ST18: variants seen among roughly 807,000 people sequenced by gnomAD.
ST18 encodes ST18 C2H2C-type zinc finger transcription factor, also known as suppression of tumorigenicity 18 protein.
A neutral mutation model predicts 110.0 loss-of-function variants in ST18; 50 were observed. The observed-to-expected ratio is 0.45, with a 90% CI of 0.36 to 0.58. The LOEUF (loss-of-function observed/expected upper bound fraction) is 0.58, where lower values mean the gene tolerates loss of function less well. Among genes scored for constraint, ST18 ranks in the 20% least tolerant of loss-of-function variants. The pLI is 0.00. For synonymous variants in ST18, 461 were observed against 452.4 expected (o/e 1.02, Z -0.24); for missense variants, 1,306 against 1,280.1 (o/e 1.02, Z -0.31).
intron 2 of ST18, among the ~76,000 whole-genome samples, chr8:52,332,634 C>T (rs1810112223): frequency 6.8e-6 from 1 of 146,680 alleles, no homozygotes; most frequent in Non-Finnish European, 1.5e-5. Flanking sequence ...AGGGGGATCA[C>T]GAGGTCAGGA....
At chr8:52,149,116 G>A (rs1350680608) in intron 16 of ST18, among the ~76,000 whole-genome samples, 1 of 152,212 alleles carries the variant, frequency 6.6e-6, no homozygotes, top group Admixed American at 6.5e-5. Context: ...GCCATAAGGC[G>A]AAGGTTAGAT....
chr8:52,167,289 T>A (rs560474838), intron 10 of ST18, among the ~76,000 whole-genome samples: 27 of 152,296 alleles, frequency 1.8e-4, no homozygotes, highest in Non-Finnish European at 2.8e-4. Flanking sequence ...ATCAACCCTG[T>A]GCTAGGGGAT....
intron 15 of ST18, among the ~76,000 whole-genome samples, chr8:52,154,232 C>T (rs2059487206): frequency 6.6e-6 from 1 of 152,214 alleles, no homozygotes; most frequent in Non-Finnish European, 1.5e-5. Context: ...GTTCTCACCG[C>T]CCAGAGGGCC....
intron 7 of ST18, among the ~76,000 whole-genome samples, chr8:52,213,675 A>T (rs2083039886): frequency 6.6e-6 from 1 of 152,230 alleles, no homozygotes; most frequent in African/African-American, 2.4e-5. Context: ...TCTGTTGGTT[A>T]CAAAAAGAGA....
chr8:52,320,689 A>T (rs1803499037), intron 2 of ST18, among the ~76,000 whole-genome samples: 1 of 152,228 alleles, frequency 6.6e-6, no homozygotes, highest in Admixed American at 6.5e-5. Flanking sequence ...AAAAAGTATC[A>T]CAATACCCAA....
At chr8:52,395,394 C>T (rs1165107030) in intron 2 of ST18, among the ~76,000 whole-genome samples, 1 of 152,166 alleles carries the variant, frequency 6.6e-6, no homozygotes, top group East Asian at 1.9e-4. Flanking sequence ...TGGGACTTGC[C>T]AGCTGAACAG....
chr8:52,178,506 A>G (rs747874997), intron 9 of ST18, among the ~76,000 whole-genome samples: 1 of 150,372 alleles, frequency 6.7e-6, no homozygotes. Context: ...AATCCCAGCT[A>G]CTCAGGAGGC....
Position 52,172,444 on chromosome 8 carries a change from AT to A in ST18, c.416del (p.Asn139MetfsTer7). ...TTTCACTTACAGTCTGAACAGATACATTTTTTTCAAATTTCCCCAAGTGCAT... is the reference window on the plus strand; with the variant it reads ...TTTCACTTACAGTCTGAACAGATACATTTTTTCAAATTTCCCCAAGTGCAT... Reference protein sequence around the residue: ...SLMHLGKFEKNVSVQTVSENL... With the variant: ...SLMHLGKFEKXVSVQTVSENL... On this transcript the variant is annotated frameshift_variant, in exon 10 of 26. Transcript: ENST00000689386. LOFTEE classifies it high-confidence loss of function. The A allele has an allele frequency of 6.2e-7, 1 of 1,613,686 alleles. No homozygotes were observed.
chr8:52,275,174 T>C (rs761290750), intron 2 of ST18, among the ~76,000 whole-genome samples: 18 of 152,048 alleles, frequency 1.2e-4, no homozygotes, highest in Non-Finnish European at 2.5e-4. Flanking sequence ...AGAGCTTCCA[T>C]ATTTTTTTTT....
intron 16 of ST18, 43 bp from the exon 17 acceptor site, chr8:52,143,088 G>T (rs1165219447): frequency 7.8e-7 from 1 of 1,288,182 alleles, no homozygotes; most frequent in Non-Finnish European, 1.1e-6. Context: ...GAAGCCATTA[G>T]GGAACCCTGG....
At chr8:52,210,403 G>C (rs1180502269) in intron 8 of ST18, among the ~76,000 whole-genome samples, 2 of 152,112 alleles carry the variant, frequency 1.3e-5, no homozygotes, top group African/African-American at 4.8e-5. Flanking sequence ...GCTCACTCCT[G>C]TTAATCCCAA....
At chr8:52,372,767 C>T (rs1450512824) in intron 2 of ST18, among the ~76,000 whole-genome samples, 1 of 152,194 alleles carries the variant, frequency 6.6e-6, no homozygotes, top group Non-Finnish European at 1.5e-5. Context: ...TGTGTAAGTA[C>T]ACTCTATGAT....
intron 2 of ST18, among the ~76,000 whole-genome samples, chr8:52,338,779 C>T (rs1163511542): frequency 6.6e-6 from 1 of 151,918 alleles, no homozygotes; most frequent in Non-Finnish European, 1.5e-5. Flanking sequence ...TGCTCTGTCA[C>T]CCAGGCTAGA....
chr8:52,348,346 A>G (rs1420069049), intron 2 of ST18, among the ~76,000 whole-genome samples: 2 of 152,206 alleles, frequency 1.3e-5, no homozygotes, highest in South Asian at 2.1e-4. Flanking sequence ...TGAACAAGAG[A>G]AAGCCCAAGC....
chr8:52,280,227 A>G (rs1332303823), intron 2 of ST18, among the ~76,000 whole-genome samples: 1 of 152,170 alleles, frequency 6.6e-6, no homozygotes, highest in African/African-American at 2.4e-5. Context: ...AGAAACAAAG[A>G]AAAAGCAGAG....
At chr8:52,134,697 T>C (rs538534732) in intron 19 of ST18, among the ~76,000 whole-genome samples, 139 of 152,312 alleles carry the variant, frequency 9.1e-4, no homozygotes, top group African/African-American at 3.0e-3. Context: ...TTATCAACCA[T>C]TTAAAGACAT....
chr8:52,235,947 G>A (rs567869639), intron 2 of ST18, among the ~76,000 whole-genome samples: 2 of 152,140 alleles, frequency 1.3e-5, no homozygotes, highest in East Asian at 3.9e-4. Context: ...ACTAAACTGG[G>A]TAGTTCTGAA....
At chr8:52,163,059 A>G (rs1002554175) in intron 13 of ST18, among the ~76,000 whole-genome samples, 1 of 152,240 alleles carries the variant, frequency 6.6e-6, no homozygotes, top group African/African-American at 2.4e-5. Context: ...TATTCTTTCT[A>G]TATTTGCTAA....
chr8:52,124,541 C>A (rs1326732405), intron 23 of ST18, among the ~76,000 whole-genome samples: 1 of 152,180 alleles, frequency 6.6e-6, no homozygotes, highest in Admixed American at 6.5e-5. Context: ...CCTTTAAATA[C>A]TATTTGAAAT....
Sources: allele counts gnomAD v4.1 joint callset (sites outside exome capture counted in the v4.1 genomes callset), GRCh38; gene constraint gnomAD v4.1.1; transcripts MANE v1.5; gene names NCBI Gene and HGNC (gene_info 2026-07-23, HGNC 2026-07-21).